IGSF21: variants seen among roughly 807,000 people sequenced by gnomAD.
IGSF21 encodes immunoglobulin superfamily member 21.
A neutral mutation model predicts 46.8 loss-of-function variants in IGSF21; 28 were observed. The observed-to-expected ratio is 0.60, with a 90% CI of 0.44 to 0.82. The LOEUF is 0.82. Ranked by LOEUF, IGSF21 falls within the 40% of genes least tolerant of loss-of-function variation. IGSF21 has a pLI of 0.00. For synonymous variants in IGSF21, 284 were observed against 273.6 expected (o/e 1.04, Z -0.38); for missense variants, 624 against 665.5 (o/e 0.94, Z 0.69).
In IGSF21 at chr1:18,160,556, TTAAGTCATAATTTCTTTTCTGG is replaced by T. The variant is rs746135760; in HGVS notation, c.70+52362_70+52383del. ...TGGGCGAACTTGTGTGTTTTCTGGT[TTAAGTCATAATTTCTTTTCTGG>T]TAACATGAGGATCGTACAGTACTTC... On this transcript the variant is annotated intron_variant, in intron 1 of 9. Transcript: ENST00000251296. Among the ~76,000 whole-genome samples the T allele has an allele frequency of 7.1e-4, 87 of 122,994 alleles. No homozygotes were observed. The East Asian group carries it at 0.016, about 22-fold the overall frequency. The allele number at this position is 122,994 out of a possible 152,430, so 80.7% of individuals were successfully genotyped here. A position where few individuals can be genotyped will look rare whatever the true frequency, so the allele number is the denominator to read the frequency against.
intron 3 of IGSF21, among the ~76,000 whole-genome samples, chr1:18,333,610 A>T (rs905086375): frequency 4.6e-5 from 7 of 152,232 alleles, no homozygotes; most frequent in African/African-American, 1.7e-4. Context: ...CCAAGGTCCC[A>T]TGATTTACAA....
intron 2 of IGSF21, among the ~76,000 whole-genome samples, chr1:18,268,338 C>A (rs574167498): frequency 6.6e-6 from 1 of 152,220 alleles, no homozygotes; most frequent in Non-Finnish European, 1.5e-5. Flanking sequence ...GCTGGACATG[C>A]TGAAATGCTC....
intron 4 of IGSF21, among the ~76,000 whole-genome samples, chr1:18,351,240 C>A (rs2085950536): frequency 6.6e-6 from 1 of 150,546 alleles, no homozygotes; most frequent in Non-Finnish European, 1.5e-5. Flanking sequence ...TTTCTGCTCG[C>A]TAAGTGGCAG....
chr1:18,176,626 A>G (rs2086800583), intron 1 of IGSF21, among the ~76,000 whole-genome samples: 1 of 152,196 alleles, frequency 6.6e-6, no homozygotes, highest in African/African-American at 2.4e-5. Context: ...ACTAACTGGT[A>G]TTTAAGAGTA....
chr1:18,174,286 G>A (rs546459964), intron 1 of IGSF21, among the ~76,000 whole-genome samples: 2 of 152,284 alleles, frequency 1.3e-5, no homozygotes, highest in East Asian at 3.9e-4. Flanking sequence ...TTGCAGGAAG[G>A]AATTCCATGT....
chr1:18,365,151 A>C lies in IGSF21; in HGVS notation c.541-72A>C. 8.4e-7 allele frequency: 1 copy of C among 1,194,080 alleles called. No individual in the cohort carries two copies. Among genetic ancestry groups the C allele is most frequent in the Non-Finnish European group, 1.2e-6 (1 of 825,144 alleles). 74.0% of individuals were successfully genotyped at this position (1,194,080 alleles called of 1,614,324 possible). On this transcript the variant is annotated intron_variant, in intron 5 of 9. Coordinates refer to ENST00000251296, the MANE Select transcript of IGSF21 (RefSeq NM_032880.5). The surrounding 1 kb of genome is among the most constrained non-coding windows in gnomAD (Gnocchi z 4.8). The stretch of plus-strand genomic sequence containing the variant: ...AGAACTGGCATCCTGTGCCCAGTTC[A>C]TCGGAGAACCCACTGGGAGGTTGAA...
At chr1:18,287,487 T>A (rs2085226403) in intron 2 of IGSF21, among the ~76,000 whole-genome samples, 1 of 152,110 alleles carries the variant, frequency 6.6e-6, no homozygotes, top group Non-Finnish European at 1.5e-5. Context: ...AGGACCTGTG[T>A]GTTTGTTCAT....
intron 2 of IGSF21, among the ~76,000 whole-genome samples, chr1:18,269,846 C>A (rs952263646): frequency 6.6e-6 from 1 of 152,200 alleles, no homozygotes; most frequent in African/African-American, 2.4e-5. Flanking sequence ...GAGTTAGGAA[C>A]TGGAATTTAC....
chr1:18,372,288 G>A (rs1393953422), intron 6 of IGSF21, among the ~76,000 whole-genome samples: 1 of 152,192 alleles, frequency 6.6e-6, no homozygotes, highest in Non-Finnish European at 1.5e-5. Flanking sequence ...ACAGGCAGAG[G>A]AAATATTCAG....
At chr1:18,251,078 G>A (rs370344526) in intron 2 of IGSF21, among the ~76,000 whole-genome samples, 33 of 152,200 alleles carry the variant, frequency 2.2e-4, no homozygotes, top group African/African-American at 6.5e-4. Context: ...ATCTATGGAT[G>A]GGATGAGCGT....
chr1:18,347,012 G>T (rs577452245), intron 4 of IGSF21, among the ~76,000 whole-genome samples: 4 of 152,190 alleles, frequency 2.6e-5, no homozygotes, highest in Admixed American at 6.5e-5. Flanking sequence ...CCGGCTGAGC[G>T]CCAGTTGAGA....
rs138998767 is a variant in IGSF21, at chr1:18,154,063, C to T, written c.70+45865C>T. ...GGATCCACAGACCACTGACTGGCAT[C>T]CCAGGAGCCACGGTGAGCCCACTGT... On this transcript the variant is annotated intron_variant, in intron 1 of 9. Coordinates refer to ENST00000251296, the MANE Select transcript of IGSF21 (RefSeq NM_032880.5). Among the ~76,000 whole-genome samples, 216 of 152,332 alleles carry T rather than the reference C, an allele frequency of 1.4e-3. 1 individual carries two copies. The highest frequency in any genetic ancestry group is 5.0e-3 in the African/African-American group (209 of 41,580).
intron 1 of IGSF21, among the ~76,000 whole-genome samples, chr1:18,139,694 T>C (rs950251822): frequency 1.3e-5 from 2 of 152,238 alleles, no homozygotes; most frequent in Admixed American, 6.5e-5. Context: ...TGCCCTAGGC[T>C]TCAATTTCCT....
At chr1:18,111,059 G>C (rs1250227346) in intron 1 of IGSF21, 1 of 152,330 alleles carries the variant, frequency 6.6e-6, no homozygotes, top group Non-Finnish European at 1.5e-5. Context: ...GTCTCCGCTA[G>C]GCCGCCGCAA....
chr1:18,301,507 T>C (rs1285913690), intron 3 of IGSF21, among the ~76,000 whole-genome samples: 7 of 152,058 alleles, frequency 4.6e-5, no homozygotes. Flanking sequence ...ACCTGGCCAA[T>C]TTTTTGTATT....
intron 1 of IGSF21, among the ~76,000 whole-genome samples, chr1:18,151,452 A>G (rs2086521635): frequency 6.6e-6 from 1 of 152,144 alleles, no homozygotes; most frequent in Non-Finnish European, 1.5e-5. Flanking sequence ...GAAGAGAAAG[A>G]TCACATGGAG....
At chr1:18,116,144 C>T (rs1199634341) in intron 1 of IGSF21, among the ~76,000 whole-genome samples, 3 of 152,146 alleles carry the variant, frequency 2.0e-5, no homozygotes, top group South Asian at 2.1e-4. Context: ...ACATCTCTTC[C>T]CAAATCTGAG....
rs538037185 is a variant in IGSF21, at chr1:18,289,686, G to C, written c.184-2180G>C. The stretch of plus-strand genomic sequence containing the variant: ...TGGGAGGGGGGCAAGGGGCTGTCCT[G>C]GACATAGTGGAATGGTCAGCAGCTT... On this transcript the variant is annotated intron_variant, in intron 2 of 9. Coordinates refer to ENST00000251296, the MANE Select transcript of IGSF21 (RefSeq NM_032880.5). 5.9e-5 allele frequency among the ~76,000 whole-genome samples: 9 copies of C among 152,274 alleles called. No individual in the cohort carries two copies. The South Asian group carries it at 1.9e-3, about 32-fold the overall frequency.
At chr1:18,281,912 A>T (rs2085164432) in intron 2 of IGSF21, among the ~76,000 whole-genome samples, 2 of 152,072 alleles carry the variant, frequency 1.3e-5, no homozygotes, top group Admixed American at 6.5e-5. Context: ...AAGCATCTGG[A>T]TTTGGGGGTG....
Sources: gnomAD v4.1 joint callset for allele counts (sites outside exome capture counted in the v4.1 genomes callset) on GRCh38, gnomAD v4.1.1 for gene constraint, Gnocchi (gnomAD v3.1) non-coding constraint, MANE v1.5 for transcripts, NCBI Gene and HGNC (gene_info 2026-07-23, HGNC 2026-07-21) for gene names.